TAFA1: variants seen among roughly 807,000 people sequenced by gnomAD.
The protein encoded by TAFA1 is chemokine-like protein TAFA-1.
Under a neutral mutation model 18.5 loss-of-function variants are expected in TAFA1, and 4 were observed. The ratio of observed to expected loss-of-function variants is 0.22; its 90% CI spans 0.11 to 0.49. The LOEUF is 0.49. Ranked by LOEUF, TAFA1 falls within the 20% of genes least tolerant of loss-of-function variation. TAFA1 has a pLI of 0.98. For synonymous variants in TAFA1, 56 were observed against 55.2 expected, an observed-to-expected ratio of 1.01 and a Z score of -0.06; for missense variants, 147 against 169.0, an observed-to-expected ratio of 0.87 and a Z score of 0.72.
At chr3:68,107,358 A>C (rs572247567) in intron 2 of TAFA1, among the ~76,000 whole-genome samples, 1 of 152,142 alleles carries the variant, frequency 6.6e-6, no homozygotes, top group African/African-American at 2.4e-5. Context: ...AGTTTTATTC[A>C]TACTTGCCCC....
intron 2 of TAFA1, among the ~76,000 whole-genome samples, chr3:68,054,064 C>G (rs1022350050): frequency 1.3e-5 from 2 of 152,140 alleles, no homozygotes; most frequent in Admixed American, 6.5e-5. Flanking sequence ...GTTTTCTGGA[C>G]TCCCCTTCAC....
At chr3:68,166,488 C>T (rs938067821) in intron 2 of TAFA1, among the ~76,000 whole-genome samples, 3 of 152,104 alleles carry the variant, frequency 2.0e-5, no homozygotes, top group Admixed American at 6.5e-5. Flanking sequence ...AATCATTTGC[C>T]ATTTTGACAC....
intron 3 of TAFA1, among the ~76,000 whole-genome samples, chr3:68,471,534 T>C (rs2071997582): frequency 6.6e-6 from 1 of 152,118 alleles, no homozygotes; most frequent in Non-Finnish European, 1.5e-5. Context: ...GCCCTGGATG[T>C]GAGAACTTGG....
intron 3 of TAFA1, among the ~76,000 whole-genome samples, chr3:68,505,970 T>C (rs1055615371): frequency 6.6e-6 from 1 of 151,948 alleles, no homozygotes; most frequent in Non-Finnish European, 1.5e-5. Context: ...ACATGTGCCA[T>C]GATGGTTTGC....
intron 3 of TAFA1, among the ~76,000 whole-genome samples, chr3:68,436,265 C>T (rs1575864958): frequency 1.3e-5 from 2 of 152,114 alleles, no homozygotes; most frequent in East Asian, 3.9e-4. Flanking sequence ...ATGCCCTGCC[C>T]TTAGTTTCTT....
intron 2 of TAFA1, among the ~76,000 whole-genome samples, chr3:68,282,072 G>A (rs1403002792): frequency 2.0e-5 from 3 of 152,164 alleles, no homozygotes; most frequent in Non-Finnish European, 2.9e-5. Flanking sequence ...GAAGTGCTGA[G>A]CAAAAGGGAG....
intron 2 of TAFA1, among the ~76,000 whole-genome samples, chr3:68,056,986 G>A (rs1559719939): frequency 1.3e-5 from 2 of 152,102 alleles, no homozygotes; most frequent in Non-Finnish European, 2.9e-5. Flanking sequence ...TAAGGGAGTG[G>A]CTGACTGGTC....
chr3:68,305,401 C>T (rs1005304301), intron 2 of TAFA1, among the ~76,000 whole-genome samples: 1 of 54,818 alleles, frequency 1.8e-5, no homozygotes, highest in Admixed American at 2.5e-4. Context: ...CTATATATGA[C>T]TATATGACTA....
intron 2 of TAFA1, among the ~76,000 whole-genome samples, chr3:68,378,864 G>A (rs1379035656): frequency 3.9e-5 from 6 of 152,120 alleles, no homozygotes; most frequent in Non-Finnish European, 5.9e-5. Flanking sequence ...TTGCCACCAT[G>A]TGAAGAAGGT....
At chr3:68,130,050 C>A (rs188295381) in intron 2 of TAFA1, among the ~76,000 whole-genome samples, 1 of 152,056 alleles carries the variant, frequency 6.6e-6, no homozygotes, top group East Asian at 1.9e-4. Context: ...TGGCACAAAG[C>A]CTTAAAGGTT....
chr3:68,501,906 G>A (rs1281914286), intron 3 of TAFA1, among the ~76,000 whole-genome samples: 2 of 152,120 alleles, frequency 1.3e-5, no homozygotes, highest in African/African-American at 4.8e-5. Flanking sequence ...ACATGCATAG[G>A]AAAAGCAGGT....
At chr3:68,454,657 A>G (rs762052665) in intron 3 of TAFA1, among the ~76,000 whole-genome samples, 8 of 152,286 alleles carry the variant, frequency 5.3e-5, no homozygotes, top group Non-Finnish European at 1.0e-4. Flanking sequence ...TTGCTGGTCC[A>G]TAACAGCTAC....
intron 2 of TAFA1, among the ~76,000 whole-genome samples, chr3:68,179,730 TATTA>T (rs1472362741): frequency 6.6e-6 from 1 of 152,166 alleles, no homozygotes; most frequent in Non-Finnish European, 1.5e-5. Context: ...ATTTTTCACT[TATTA>T]ATTATCAAAT....
chr3:68,533,717 A>G lies in TAFA1; in HGVS notation c.260-5039A>G, dbSNP rs1020829554. On this transcript the variant is annotated intron_variant, in intron 3 of 4. Coordinates refer to ENST00000478136, the MANE Select transcript of TAFA1 (RefSeq NM_213609.4). ...CTGTCTTTGTCCTGTACCTGTGAAG[A>G]TAAGCTGTTAATTTACATTGTCAGA... Among the ~76,000 whole-genome samples the G allele has an allele frequency of 7.9e-5, 12 of 152,272 alleles. 2 individuals are homozygous for G. Among genetic ancestry groups the G allele is most frequent in the African/African-American group, 2.9e-4 (12 of 41,548 alleles).
intron 2 of TAFA1, among the ~76,000 whole-genome samples, chr3:68,022,484 G>C (rs551128943): frequency 2.0e-5 from 3 of 151,990 alleles, no homozygotes; most frequent in Non-Finnish European, 2.9e-5. Context: ...GGCTGTTGGT[G>C]GGGGGAAGGG....
intron 2 of TAFA1, among the ~76,000 whole-genome samples, chr3:68,235,903 A>T (rs1183220661): frequency 6.6e-6 from 1 of 152,176 alleles, no homozygotes; most frequent in African/African-American, 2.4e-5. Flanking sequence ...AATCTTCCTC[A>T]CAAAGGTTGA....
At chr3:68,352,680 T>C (rs2069291071) in intron 2 of TAFA1, among the ~76,000 whole-genome samples, 1 of 152,048 alleles carries the variant, frequency 6.6e-6, no homozygotes, top group Admixed American at 6.6e-5. Context: ...TGGCATGACA[T>C]ATTCTGGTTT....
chr3:68,076,506 G>C (rs2064826611), intron 2 of TAFA1, among the ~76,000 whole-genome samples: 1 of 127,560 alleles, frequency 7.8e-6, no homozygotes. Flanking sequence ...CCCTTCCTGT[G>C]TCCATGCGAT....
At chr3:68,303,998 A>G (rs2068360232) in intron 2 of TAFA1, among the ~76,000 whole-genome samples, 2 of 152,226 alleles carry the variant, frequency 1.3e-5, no homozygotes, top group African/African-American at 2.4e-5. Flanking sequence ...TAGACATTAC[A>G]TTAGTGGAAA....
Sources: gnomAD v4.1 joint callset for allele counts (sites outside exome capture counted in the v4.1 genomes callset) on GRCh38, gnomAD v4.1.1 for gene constraint, MANE v1.5 for transcripts, NCBI Gene and HGNC (gene_info 2026-07-23, HGNC 2026-07-21) for gene names.